The following THSD7B variants were observed in gnomAD, a reference collection of about 807,000 sequenced individuals.
THSD7B encodes the protein thrombospondin type-1 domain-containing protein 7B.
A neutral mutation model predicts 213.6 loss-of-function variants in THSD7B; 138 were observed. That is an observed-to-expected ratio of 0.65 (90% CI 0.56 to 0.74). The LOEUF (loss-of-function observed/expected upper bound fraction) is 0.74, where lower values mean the gene tolerates loss of function less well. THSD7B is among the 30% of genes least tolerant of loss of function. The pLI, the probability that THSD7B is intolerant of heterozygous loss-of-function variation, is 0.00. For synonymous variants in THSD7B, 742 were observed against 687.0 expected (o/e 1.08, Z -1.25); for missense variants, 1,931 against 1,991.5 (o/e 0.97, Z 0.58).
chr2:136,850,764 TGTA>T (rs1418428250), intron 1 of THSD7B, among the ~76,000 whole-genome samples: 6 of 152,034 alleles, frequency 3.9e-5, no homozygotes, highest in Non-Finnish European at 7.4e-5. Context: ...AATTTAATAA[TGTA>T]GTTTCATGAA....
chr2:137,624,331 G>T (rs974918595), intron 20 of THSD7B, among the ~76,000 whole-genome samples: 13 of 152,154 alleles, frequency 8.5e-5, no homozygotes, highest in African/African-American at 3.1e-4. Flanking sequence ...ATCAATTCAA[G>T]ATGGATTAAA....
At chr2:137,187,952 A>T (rs62172349) in intron 7 of THSD7B, among the ~76,000 whole-genome samples, 7 of 150,614 alleles carry the variant, frequency 4.6e-5, no homozygotes, top group Non-Finnish European at 8.9e-5. Context: ...GAAAAAAAAA[A>T]TTCTGTATTT....
At chr2:137,435,330 C>T (rs11889894) in intron 14 of THSD7B, among the ~76,000 whole-genome samples, 22,396 of 152,104 alleles carry the variant, frequency 0.15, 4,082 homozygotes, top group African/African-American at 0.43. Flanking sequence ...TATTTCATAA[C>T]GTCTGTTTAT....
chr2:137,484,164 T>TC (rs1688372657), intron 15 of THSD7B, among the ~76,000 whole-genome samples: 1 of 99,450 alleles, frequency 1.0e-5, no homozygotes, highest in African/African-American at 4.0e-5. Flanking sequence ...AAGCTATCCC[T>TC]CCCCCCTCCC....
chr2:136,844,462 CAGAGAGAGAGAGAGAG>C (rs56716402), intron 1 of THSD7B, among the ~76,000 whole-genome samples: 5 of 142,518 alleles, frequency 3.5e-5, no homozygotes, highest in African/African-American at 1.0e-4. Flanking sequence ...CCACCCAAAA[CAGAGAGAGAGAGAGAG>C]AGAGAGAGAG....
At chr2:136,891,722 T>C (rs2105002332) in intron 2 of THSD7B, among the ~76,000 whole-genome samples, 1 of 152,240 alleles carries the variant, frequency 6.6e-6, no homozygotes, top group Non-Finnish European at 1.5e-5. Flanking sequence ...TGAAAAGAGG[T>C]AAGAGCTGAA....
rs180921248 is a variant in THSD7B at position 136,882,158 on chromosome 2, A to G, written c.-21A>G. ...TTCTCTTTTAGGAATAGGCAAGTCAAGAGGCTGAAAAATCTGAAGCATGTT... is the reference window on the plus strand; with the variant it reads ...TTCTCTTTTAGGAATAGGCAAGTCAGGAGGCTGAAAAATCTGAAGCATGTT... On this transcript the variant is annotated 5_prime_UTR_variant, in exon 2 of 28. Coordinates refer to ENST00000409968, the MANE Select transcript of THSD7B (RefSeq NM_001316349.2). 2,051 of 1,498,438 alleles carry G rather than the reference A, an allele frequency of 1.4e-3. 62 individuals are homozygous for G. In the Admixed American group the frequency reaches 0.046, roughly 33 times the overall value. The allele number at this position is 1,498,438 out of a possible 1,614,324, so 92.8% of individuals were successfully genotyped here. A position where few individuals can be genotyped will look rare whatever the true frequency, so the allele number is the denominator to read the frequency against.
At chr2:136,930,260 G>A (rs1412811692) in intron 2 of THSD7B, among the ~76,000 whole-genome samples, 3 of 152,174 alleles carry the variant, frequency 2.0e-5, no homozygotes, top group African/African-American at 7.2e-5. Flanking sequence ...TGGAGCATTA[G>A]GCTATAATGA....
intron 17 of THSD7B, among the ~76,000 whole-genome samples, chr2:137,599,301 G>A (rs539455311): frequency 4.5e-4 from 68 of 151,938 alleles, no homozygotes; most frequent in South Asian, 1.9e-3. Flanking sequence ...CATTTGGGTT[G>A]GTTCCAAGTC....
intron 2 of THSD7B, among the ~76,000 whole-genome samples, chr2:137,038,865 G>A (rs1045864467): frequency 5.3e-5 from 8 of 152,208 alleles, no homozygotes; most frequent in African/African-American, 1.7e-4. Flanking sequence ...TAAGTTATAT[G>A]CTGAGAGTCA....
intron 3 of THSD7B, among the ~76,000 whole-genome samples, chr2:137,073,524 T>TC (rs1262551960): frequency 6.6e-6 from 1 of 152,200 alleles, no homozygotes; most frequent in Non-Finnish European, 1.5e-5. Flanking sequence ...TGTTGATCGT[T>TC]CAAAAAAACA....
At chr2:137,056,287 G>A in intron 2 of THSD7B, 133 bp from the exon 3 acceptor site, 1 of 819,628 alleles carries the variant, frequency 1.2e-6, no homozygotes, top group Non-Finnish European at 1.9e-6. Flanking sequence ...ACTAAATTAT[G>A]TTGTCTCTGT....
intron 15 of THSD7B, among the ~76,000 whole-genome samples, chr2:137,562,204 G>A (rs910702821): frequency 6.6e-6 from 1 of 152,110 alleles, no homozygotes; most frequent in Non-Finnish European, 1.5e-5. Flanking sequence ...AAAGGCAAGA[G>A]GAGGAAAGGA....
In THSD7B at chr2:137,057,823, G is replaced by C. The variant is rs10928592; in HGVS notation, c.950+593G>C. On this transcript the variant is annotated intron_variant, in intron 3 of 27. Coordinates refer to ENST00000409968, the MANE Select transcript of THSD7B (RefSeq NM_001316349.2). ...TTGCGCAAGCAGTAATTAGAATGAC[G>C]TACTGGAGAAGAAATAAACTATTAA... Among the ~76,000 whole-genome samples the C allele has an allele frequency of 3.9e-5, 6 of 152,156 alleles. No individual in the cohort carries two copies. In the East Asian group the frequency reaches 1.2e-3, roughly 29 times the overall value.
At chr2:137,430,185 T>A (rs11904190) in intron 14 of THSD7B, among the ~76,000 whole-genome samples, 9,208 of 152,176 alleles carry the variant, frequency 0.061, 888 homozygotes, top group African/African-American at 0.2. Context: ...AATTCAAGGC[T>A]ACAGTGAGCT....
At chr2:137,304,397 T>C (rs1683691800) in intron 12 of THSD7B, among the ~76,000 whole-genome samples, 1 of 152,180 alleles carries the variant, frequency 6.6e-6, no homozygotes, top group Non-Finnish European at 1.5e-5. Context: ...CTTTGCCTCA[T>C]GCAACTTACT....
In THSD7B at chr2:136,956,492, A is replaced by AT. The variant is rs1244036283; in HGVS notation, c.139+74182dup. Among the ~76,000 whole-genome samples, 20 of 150,562 alleles carry AT rather than the reference A, an allele frequency of 1.3e-4. No individual in the cohort carries two copies. In the South Asian group the frequency reaches 2.5e-3, roughly 19 times the overall value. Reference sequence around the variant, plus strand: ...TAGTGTCCCTTAAGAATTTTTTTAAATTTTTTTATTTTTTATTTTTTTTTA... The same window carrying AT: ...TAGTGTCCCTTAAGAATTTTTTTAAATTTTTTTTATTTTTTATTTTTTTTTA... On this transcript the variant is annotated intron_variant, in intron 2 of 27. Transcript: ENST00000409968.
intron 12 of THSD7B, among the ~76,000 whole-genome samples, chr2:137,301,086 A>C (rs894497204): frequency 1.3e-5 from 2 of 152,172 alleles, no homozygotes; most frequent in South Asian, 4.2e-4. Flanking sequence ...CCATAAAGCA[A>C]TATAAAAACC....
Position 137,100,339 on chromosome 2 carries a change from T to G in THSD7B, c.1199+5218T>G, listed in dbSNP as rs149882940. 7.5e-3 allele frequency among the ~76,000 whole-genome samples: 1,139 copies of G among 152,220 alleles called. 19 individuals carry two copies. The highest frequency in any genetic ancestry group is 0.026 in the African/African-American group (1,097 of 41,558). ...CTCATAAAACAGAGAACTTCCAGTC[T>G]GTGTTCACTTAGGTTATTTGTCTTA... On this transcript the variant is annotated intron_variant, in intron 4 of 27. Transcript: ENST00000409968.
Sources: gnomAD v4.1 joint callset for allele counts (sites outside exome capture counted in the v4.1 genomes callset) on GRCh38, gnomAD v4.1.1 for gene constraint, MANE v1.5 for transcripts, NCBI Gene and HGNC (gene_info 2026-07-23, HGNC 2026-07-21) for gene names.